The following NINL variants were observed in gnomAD, a reference collection of about 807,000 sequenced individuals.
NINL encodes ninein-like protein.
Under a neutral mutation model 160.3 loss-of-function variants are expected in NINL, and 153 were observed. The observed-to-expected ratio is 0.95, with a 90% CI of 0.84 to 1.09. NINL has a LOEUF of 1.09. Among genes scored for constraint, NINL ranks in the 50% least tolerant of loss-of-function variants. The probability of loss-of-function intolerance (pLI) is 0.00; values close to 1 mark genes in which losing one functional copy is unlikely to be tolerated. For missense variants in NINL, 1,829 were observed against 1,764.0 expected (o/e 1.04, Z -0.66); for synonymous variants, 800 against 734.8 (o/e 1.09, Z -1.43).
At chr20:25,515,211 C>T (rs2064139820) in intron 3 of NINL, among the ~76,000 whole-genome samples, 1 of 152,256 alleles carries the variant, frequency 6.6e-6, no homozygotes, top group African/African-American at 2.4e-5. Context: ...CCACCCCTTG[C>T]ATTGGTGTGG....
intron 5 of NINL, among the ~76,000 whole-genome samples, chr20:25,505,418 T>A (rs1429366515): frequency 6.6e-6 from 1 of 151,908 alleles, no homozygotes; most frequent in Non-Finnish European, 1.5e-5. Context: ...GTTAATAAGA[T>A]CCGATTGCTT....
chr20:25,516,655 C>A (rs2064164954), intron 3 of NINL, among the ~76,000 whole-genome samples: 1 of 152,110 alleles, frequency 6.6e-6, no homozygotes, highest in Non-Finnish European at 1.5e-5. Flanking sequence ...GAGTAGGGAG[C>A]CCTTTCACAT....
At chr20:25,481,838 G>A (rs1011689493) in intron 14 of NINL, 130 bp downstream of exon 14, 5 of 1,361,106 alleles carry the variant, frequency 3.7e-6, no homozygotes, top group Non-Finnish European at 5.0e-6. Flanking sequence ...AGTCCCTGCA[G>A]AGCAGACCAC....
chr20:25,518,285 C>T (rs980171052), intron 2 of NINL, among the ~76,000 whole-genome samples: 3 of 152,166 alleles, frequency 2.0e-5, no homozygotes, highest in Admixed American at 1.3e-4. Context: ...GCATGCATGC[C>T]TAAAGCTTGG....
intron 5 of NINL, among the ~76,000 whole-genome samples, chr20:25,508,539 C>A (rs1337528371): frequency 1.3e-5 from 2 of 152,224 alleles, no homozygotes; most frequent in Non-Finnish European, 2.9e-5. Flanking sequence ...TGACTGGGAG[C>A]CACTGACCCT....
chr20:25,461,484 G>C (rs1269468716), intron 21 of NINL, 38 bp downstream of exon 21: 1 of 1,275,204 alleles, frequency 7.8e-7, no homozygotes, highest in East Asian at 2.4e-5. Flanking sequence ...TCCCAGGTGG[G>C]ACTGGACCCA....
intron 14 of NINL, among the ~76,000 whole-genome samples, chr20:25,481,143 C>A (rs996072624): frequency 2.0e-5 from 3 of 152,136 alleles, no homozygotes; most frequent in African/African-American, 7.2e-5. Context: ...AGTTTCAGGG[C>A]AACAGGAGAA....
At chr20:25,468,622 C>T (rs2062987525) in intron 18 of NINL, among the ~76,000 whole-genome samples, 1 of 145,604 alleles carries the variant, frequency 6.9e-6, no homozygotes, top group Non-Finnish European at 1.5e-5. Flanking sequence ...CTGACTCTCA[C>T]TGGTGGGCGC....
At position 25,570,828 on chromosome 20, in the gene NINL, G is replaced by A. The variant is rs1270468739; in HGVS notation, c.-12+14627C>T. Among the ~76,000 whole-genome samples the A allele has an allele frequency of 3.3e-5, 5 of 149,862 alleles. No individual in the cohort carries two copies. In the East Asian group the frequency reaches 5.9e-4, roughly 18 times the overall value. On this transcript the variant is annotated intron_variant, in intron 1 of 23. Coordinates refer to ENST00000278886, the MANE Select transcript of NINL (RefSeq NM_025176.6). The stretch of plus-strand genomic sequence containing the variant: ...TGCGATTCTCCTGCCTCAGCCTCTC[G>A]AGTAGCTGGGACTGCAGGCACACGC...
intron 5 of NINL, among the ~76,000 whole-genome samples, chr20:25,509,211 C>T (rs1289063491): frequency 1.3e-5 from 2 of 152,170 alleles, no homozygotes; most frequent in African/African-American, 2.4e-5. Context: ...TATCTTCAGC[C>T]GCCATGCTGT....
intron 2 of NINL, among the ~76,000 whole-genome samples, chr20:25,524,827 T>C (rs760682714): frequency 1.3e-5 from 2 of 151,952 alleles, no homozygotes; most frequent in Non-Finnish European, 2.9e-5. Flanking sequence ...CTTTTGGTTT[T>C]GAATTTTCCA....
At chr20:25,480,912 G>A (rs907860399) in intron 14 of NINL, among the ~76,000 whole-genome samples, 4 of 152,106 alleles carry the variant, frequency 2.6e-5, no homozygotes, top group African/African-American at 9.7e-5. Context: ...TGCGTTTCTG[G>A]GATGGGTGGC....
At chr20:25,496,483 G>A (rs906115464) in intron 10 of NINL, among the ~76,000 whole-genome samples, 180 bp downstream of exon 10, 1 of 152,360 alleles carries the variant, frequency 6.6e-6, no homozygotes, top group African/African-American at 2.4e-5. Context: ...AGGAAGAGCA[G>A]GGCTCTGCTG....
intron 1 of NINL, among the ~76,000 whole-genome samples, chr20:25,544,367 T>C (rs2064708029): frequency 6.6e-6 from 1 of 152,212 alleles, no homozygotes; most frequent in South Asian, 2.1e-4. Flanking sequence ...TTAGTTCTAC[T>C]CTGCATCTCC....
intron 21 of NINL, among the ~76,000 whole-genome samples, chr20:25,459,843 G>A (rs1480587117): frequency 1.3e-5 from 2 of 152,156 alleles, no homozygotes; most frequent in African/African-American, 2.4e-5. Flanking sequence ...CCTTGGCAAC[G>A]CGAGACGGGC....
At chr20:25,470,918 A>ATT (rs2063078984) in intron 17 of NINL, among the ~76,000 whole-genome samples, 1 of 152,230 alleles carries the variant, frequency 6.6e-6, no homozygotes, top group East Asian at 1.9e-4. Flanking sequence ...TGGTAAGGCT[A>ATT]ACGTGTATTC....
In NINL at chr20:25,470,080, T is replaced by G; in HGVS notation, c.3264A>C (p.Arg1088Ser). ...LRENDRLEFHRLSEENTLLKN... is the reference protein window; with the variant it reads ...LRENDRLEFHSLSEENTLLKN... Reference sequence around the variant, plus strand: ...TCAACAAAGTGTTTTCTTCAGAAAGTCTATGGAACTCCAGTCTGCGTAAAA... The same window carrying G: ...TCAACAAAGTGTTTTCTTCAGAAAGGCTATGGAACTCCAGTCTGCGTAAAA... The change falls in exon 18 of 24, where the codon AGA becomes AGC. Residue 1088 changes from arginine to serine, a missense_variant. Coordinates refer to ENST00000278886, the MANE Select transcript of NINL (RefSeq NM_025176.6). The G allele has an allele frequency of 6.2e-7, 1 of 1,613,964 alleles. No homozygotes were observed. The highest frequency in any genetic ancestry group is 8.5e-7 in the Non-Finnish European group (1 of 1,179,926).
chr20:25,537,110 A>G (rs931989162), intron 1 of NINL, among the ~76,000 whole-genome samples: 8 of 152,134 alleles, frequency 5.3e-5, no homozygotes, highest in Admixed American at 3.9e-4. Context: ...TTTTTGAAAC[A>G]GGGTCTCCCT....
intron 22 of NINL, among the ~76,000 whole-genome samples, chr20:25,456,516 C>T (rs1311832952): frequency 2.0e-5 from 3 of 151,080 alleles, no homozygotes; most frequent in African/African-American, 7.3e-5. Context: ...CCATTGCACT[C>T]CAGTCTGGGT....
Sources: allele counts gnomAD v4.1 joint callset (sites outside exome capture counted in the v4.1 genomes callset), GRCh38; gene constraint gnomAD v4.1.1; transcripts MANE v1.5; gene names NCBI Gene and HGNC (gene_info 2026-07-23, HGNC 2026-07-21).